The following MPP3 variants were observed in gnomAD, a reference collection of about 807,000 sequenced individuals.
MPP3 encodes MAGUK p55 subfamily member 3.
In MPP3, 48 loss-of-function variants were observed where a neutral mutation model predicts 80.7. That is an observed-to-expected ratio of 0.59 (90% confidence interval 0.47 to 0.76). The LOEUF is 0.76. Among genes scored for constraint, MPP3 ranks in the 30% least tolerant of loss-of-function variants. MPP3 has a pLI of 0.00. For synonymous variants in MPP3, 311 were observed against 297.6 expected (o/e 1.04, Z -0.46); for missense variants, 620 against 763.0 (o/e 0.81, Z 2.21).
intron 18 of MPP3, among the ~76,000 whole-genome samples, chr17:43,810,204 TC>T (rs896713296): frequency 9.9e-5 from 15 of 152,008 alleles, no homozygotes; most frequent in African/African-American, 3.6e-4. Flanking sequence ...GGAAAAAAAA[TC>T]CCCAGATTGA....
In MPP3 at chr17:43,830,628, CT is replaced by C. The variant is rs538575788; in HGVS notation, c.223-522del. Among the ~76,000 whole-genome samples, 39 of 152,306 alleles carry C rather than the reference CT, an allele frequency of 2.6e-4. 1 individual carries two copies. The South Asian group carries it at 7.2e-3, about 28-fold the overall frequency. On this transcript the variant is annotated intron_variant, in intron 5 of 19. Transcript: ENST00000398389. ...GGGAGCCAGGCAATCTAATGTGCCC[CT>C]AATCACATTCCACAGTGGAGAAGGG... is the stretch of plus-strand genomic sequence containing the variant.
At position 43,830,128 on chromosome 17, in the gene MPP3, G is replaced by A. The variant is rs181861701; in HGVS notation, c.223-21C>T. 43 of 1,499,230 alleles carry A rather than the reference G, an allele frequency of 2.9e-5. No individual in the cohort carries two copies. The Admixed American group carries it at 3.1e-4, about 11-fold the overall frequency. 92.9% of individuals were successfully genotyped at this position (1,499,230 alleles called of 1,614,324 possible). Reference sequence around the variant, plus strand: ...ATCACCTGCAGAGAATGAGACAGGCGCCACTGATGGCTAGAGGTGCCCCTG... The same window carrying A: ...ATCACCTGCAGAGAATGAGACAGGCACCACTGATGGCTAGAGGTGCCCCTG... On this transcript the variant is annotated intron_variant, in intron 5 of 19. Coordinates refer to ENST00000398389, the MANE Select transcript of MPP3 (RefSeq NM_001932.6).
At chr17:43,812,628 TG>T (rs971220014) in intron 16 of MPP3, among the ~76,000 whole-genome samples, 1 of 152,206 alleles carries the variant, frequency 6.6e-6, no homozygotes, top group African/African-American at 2.4e-5. Context: ...TAAAAGTCAC[TG>T]CCTCTGGGAA....
In MPP3 at chr17:43,831,922, T is replaced by A. The variant is rs1567833826; in HGVS notation, c.-16A>T. On this transcript the variant is annotated 5_prime_UTR_variant, in exon 3 of 20. Transcript: ENST00000398389. Reference sequence around the variant, plus strand: ...GCACTGGCATGCTGGCGTTGTCACCTCCCGACCTCTCCCTGCAGATTCTGG... The same window carrying A: ...GCACTGGCATGCTGGCGTTGTCACCACCCGACCTCTCCCTGCAGATTCTGG... 1 of 1,612,362 alleles carries A rather than the reference T, an allele frequency of 6.2e-7. No individual in the cohort carries two copies. Among genetic ancestry groups the A allele is most frequent in the Middle Eastern group, 1.7e-4 (1 of 6,034 alleles).
rs756349391 is a variant in MPP3 at position 43,818,089 on chromosome 17, G to C, written c.903C>G (p.Ala301=). Residue 301 remains alanine (A), a synonymous_variant, in exon 12 of 20, where the codon GCC becomes GCG. Coordinates refer to ENST00000398389, the MANE Select transcript of MPP3 (RefSeq NM_001932.6). ...TCTGGGGGCTCGGCAGGGTGCCCGC[G>C]GCTCTCCGGTAGCTTAGTCGTCTGC... is the stretch of plus-strand genomic sequence containing the variant. ...FQERRLSYRR[A]AGTLPSPQSL... is the part of the protein sequence containing the mutation. The C allele has an allele frequency of 6.4e-7, 1 of 1,569,206 alleles. No homozygotes were observed. Among genetic ancestry groups the C allele is most frequent in the South Asian group, 1.2e-5 (1 of 85,104 alleles).
At chr17:43,815,689 C>T (rs2045083438) in intron 14 of MPP3, 2 of 457,542 alleles carry the variant, frequency 4.4e-6, no homozygotes, top group Non-Finnish European at 8.0e-6. Context: ...TGAAAAGGGG[C>T]TCTGGAGAGC....
At chr17:43,830,201 C>T (rs1374192503) in intron 5 of MPP3, 94 bp from the exon 6 acceptor site, 4 of 890,438 alleles carry the variant, frequency 4.5e-6, no homozygotes, top group African/African-American at 3.4e-5. Context: ...CACCCAGCTG[C>T]AGCCCCCAGG....
chr17:43,807,847 C>T (rs1484600839), intron 19 of MPP3, among the ~76,000 whole-genome samples: 1 of 151,962 alleles, frequency 6.6e-6, no homozygotes, highest in African/African-American at 2.4e-5. Flanking sequence ...GTAGTCTCAG[C>T]TACCTAGGAA....
intron 6 of MPP3, 61 bp downstream of exon 6, chr17:43,829,966 C>T: frequency 6.4e-7 from 1 of 1,574,072 alleles, no homozygotes; most frequent in African/African-American, 1.3e-5. Context: ...TAGGAGAGCT[C>T]CCTCCGCCCC....
chr17:43,811,378 C>T, intron 16 of MPP3, 173 bp from the exon 17 acceptor site: 1 of 603,218 alleles, frequency 1.7e-6, no homozygotes, highest in Non-Finnish European at 2.9e-6. Flanking sequence ...GCAGGCGTAT[C>T]ACTGATTCAC....
chr17:43,804,247 C>T (rs953490881), intron 19 of MPP3, among the ~76,000 whole-genome samples: 1 of 152,038 alleles, frequency 6.6e-6, no homozygotes, highest in African/African-American at 2.4e-5. Flanking sequence ...ATGTAAAGGA[C>T]CCAGAATAGC....
At chr17:43,826,293 T>C (rs2045692070) in intron 8 of MPP3, among the ~76,000 whole-genome samples, 1 of 152,186 alleles carries the variant, frequency 6.6e-6, no homozygotes, top group African/African-American at 2.4e-5. Context: ...GTAAACACAC[T>C]ATGAGCCTCT....
At chr17:43,817,828 C>G in intron 12 of MPP3, 1 of 482,850 alleles carries the variant, frequency 2.1e-6, no homozygotes. Flanking sequence ...AACATACCCC[C>G]CAGCATCATC....
intron 12 of MPP3, chr17:43,817,776 C>T (rs556060503): frequency 5.1e-5 from 21 of 411,282 alleles, no homozygotes; most frequent in Non-Finnish European, 8.7e-5. Flanking sequence ...CATGCACACG[C>T]GTGTGAACAC....
rs1400012762 is a variant in MPP3 at position 43,814,031 on chromosome 17, T to C, written c.1235A>G (p.His412Arg). The C allele has an allele frequency of 1.2e-6, 2 of 1,613,122 alleles. No homozygotes were observed. The highest frequency in any genetic ancestry group is 1.7e-6 in the Non-Finnish European group (2 of 1,179,408). The change falls in exon 16 of 20, where the codon CAC (histidine) becomes CGC (arginine). Residue 412 changes from histidine (H) to arginine (R), a missense_variant. Coordinates refer to ENST00000398389, the MANE Select transcript of MPP3 (RefSeq NM_001932.6). Reference protein sequence around the residue: ...KQKVVAENPQHFGVAVPHTTR... With the variant: ...KQKVVAENPQRFGVAVPHTTR... The stretch of plus-strand genomic sequence containing the variant: ...CTTACGTGGAACAGCGACGCCAAAG[T>C]GCTGTGGGTTCTCAGCCACCACCTT...
chr17:43,820,974 T>A lies in MPP3; in HGVS notation c.769A>T (p.Arg257Trp). 3 of 1,612,752 alleles carry A rather than the reference T, an allele frequency of 1.9e-6. No homozygotes were observed. Among genetic ancestry groups the A allele is most frequent in the Non-Finnish European group, 2.5e-6 (3 of 1,179,896 alleles). The change falls in exon 11 of 20, where the codon AGG becomes TGG. Residue 257 changes from arginine to tryptophan, a missense_variant. Transcript: ENST00000398389. ...TGGCTCACCACCTCCAGGACCTGCC[T>A]GCGCTGGAAGGGCAGGCCCGCCTCC... is the stretch of plus-strand genomic sequence containing the variant. ...CQEAGLPFQR[R>W]QVLEVVSQDD...
In MPP3 at chr17:43,831,613, C is replaced by T; in HGVS notation, c.90G>A (p.Glu30=). 6.2e-7 allele frequency: 1 copy of T among 1,614,002 alleles called. No homozygotes were observed. The highest frequency in any genetic ancestry group is 8.5e-7 in the Non-Finnish European group (1 of 1,179,942). ...QLRPDSNHKE[E]MGFLRDVFSE... ...TGAAAACATCCCTCAGGAAGCCCAT[C>T]TCCTCCTTGTGGTTGGAGTCAGGTC... Residue 30 remains glutamate (E), a synonymous_variant, in exon 4 of 20, where the codon GAG becomes GAA. Transcript: ENST00000398389.
chr17:43,830,190 C>G, intron 5 of MPP3, 83 bp from the exon 6 acceptor site: 1 of 1,027,622 alleles, frequency 9.7e-7, no homozygotes, highest in Non-Finnish European at 1.4e-6. Flanking sequence ...TTGGAAGGGC[C>G]CACCCAGCTG....
At chr17:43,829,532 A>AG in intron 7 of MPP3, 122 bp downstream of exon 7, 1 of 1,146,070 alleles carries the variant, frequency 8.7e-7, no homozygotes, top group Non-Finnish European at 1.2e-6. Context: ...GATGAGCAGC[A>AG]GCGCAGGCAA....
Sources: gnomAD v4.1 joint callset for allele counts (sites outside exome capture counted in the v4.1 genomes callset) on GRCh38, gnomAD v4.1.1 for gene constraint, MANE v1.5 for transcripts, NCBI Gene and HGNC (gene_info 2026-07-23, HGNC 2026-07-21) for gene names.